The following PCDH15 variants were observed in gnomAD, a reference collection of about 807,000 sequenced individuals.
PCDH15 encodes the protein protocadherin related 15, also known as protocadherin-15.
Under a neutral mutation model 178.5 loss-of-function variants are expected in PCDH15, and 129 were observed. The observed-to-expected ratio is 0.72, with a 90% CI of 0.63 to 0.84. PCDH15 has a LOEUF of 0.84. PCDH15 is among the 40% of genes least tolerant of loss of function. PCDH15 has a pLI of 0.00. For synonymous variants in PCDH15, 800 were observed against 732.0 expected, an observed-to-expected ratio of 1.09 and a Z score of -1.50; for missense variants, 2,230 against 2,099.9, an observed-to-expected ratio of 1.06 and a Z score of -1.21.
rs185980305 is a variant in PCDH15 at position 54,668,602 on chromosome 10, T to C, written c.-28-4312A>G. 3.0e-3 allele frequency among the ~76,000 whole-genome samples: 455 copies of C among 152,336 alleles called. 2 individuals carry two copies. Among genetic ancestry groups the C allele is most frequent in the African/African-American group, 0.011 (441 of 41,576 alleles). On this transcript the variant is annotated intron_variant, in intron 1 of 37. Transcript: ENST00000644397. ...AAGTCTGGAAATACACAAAGGTCTG[T>C]CCTTTTTCTGTTTATCCCTGCTCCC...
intron 5 of PCDH15, among the ~76,000 whole-genome samples, chr10:54,368,334 T>C (rs1442176314): frequency 1.3e-5 from 2 of 151,986 alleles, no homozygotes; most frequent in Non-Finnish European, 2.9e-5. Flanking sequence ...AAAAAAAATC[T>C]TGAAATGAAA....
intron 3 of PCDH15, among the ~76,000 whole-genome samples, chr10:54,483,958 A>T (rs914580482): frequency 6.6e-6 from 1 of 151,868 alleles, no homozygotes; most frequent in Admixed American, 6.6e-5. Context: ...CACATTTTTA[A>T]TACCTATGCT....
rs758642174 is a variant in PCDH15, at chr10:53,822,762, G to C, written c.4368-2532C>G. The stretch of plus-strand genomic sequence containing the variant: ...GCAAAATGAAGAGTCTGAAGAGAGA[G>C]ATTTCAACTGTTCTGTTCCTTCTAT... On this transcript the variant is annotated intron_variant, in intron 32 of 37. Transcript: ENST00000644397. 1.8e-5 allele frequency: 29 copies of C among 1,613,840 alleles called. No homozygotes were observed. Among genetic ancestry groups the C allele is most frequent in the Non-Finnish European group, 2.5e-5 (29 of 1,179,970 alleles).
rs547988466 is a variant in PCDH15, at chr10:54,483,132, T to A, written c.157+44680A>T. ...CTAAAATTCTATATGTGACAGAAAG[T>A]CTAAAATGAAACAAAATAATATGGA... On this transcript the variant is annotated intron_variant, in intron 3 of 37. Coordinates refer to ENST00000644397, the MANE Select transcript of PCDH15 (RefSeq NM_001384140.1). Among the ~76,000 whole-genome samples the A allele has an allele frequency of 2.0e-5, 3 of 151,956 alleles. No homozygotes were observed. In the East Asian group the frequency reaches 5.8e-4, roughly 29 times the overall value.
At chr10:54,724,907 TAGATATAG>T (rs1042527478) in intron 1 of PCDH15, among the ~76,000 whole-genome samples, 1 of 8,412 alleles carries the variant, frequency 1.2e-4, no homozygotes, top group Non-Finnish European at 7.4e-4. Flanking sequence ...CATATATATA[TAGATATAG>T]ATATAGATAT....
At chr10:54,978,430 C>T (rs532372017) in intron 2 of PCDH15, among the ~76,000 whole-genome samples, 10 of 152,050 alleles carry the variant, frequency 6.6e-5, no homozygotes, top group Admixed American at 1.3e-4. Flanking sequence ...TCAATAATGC[C>T]CAAGACTTGT....
chr10:53,898,149 G>T (rs1279405645), intron 26 of PCDH15, among the ~76,000 whole-genome samples: 1 of 60,862 alleles, frequency 1.6e-5, no homozygotes, highest in Non-Finnish European at 2.7e-5. Context: ...TGTATTTTTA[G>T]TAGAGACGGG....
At chr10:54,324,489 A>G (rs1418372) in intron 7 of PCDH15, among the ~76,000 whole-genome samples, 107,144 of 151,914 alleles carry the variant, frequency 0.71, 38,538 homozygotes, top group Middle Eastern at 0.81. Context: ...TAGGCCGGGC[A>G]CAGTGGTTCA....
At chr10:54,963,712 C>T (rs916362959) in intron 2 of PCDH15, among the ~76,000 whole-genome samples, 1 of 152,206 alleles carries the variant, frequency 6.6e-6, no homozygotes, top group Admixed American at 6.5e-5. Context: ...ACTTAATTCT[C>T]TTTCAATTTT....
At chr10:53,852,340 T>TA (rs1188190785) in intron 28 of PCDH15, among the ~76,000 whole-genome samples, 1 of 152,086 alleles carries the variant, frequency 6.6e-6, no homozygotes, top group Admixed American at 6.6e-5. Context: ...AAGATCAACT[T>TA]AAAATACGTC....
intron 25 of PCDH15, among the ~76,000 whole-genome samples, chr10:53,936,146 A>G (rs1479540936): frequency 2.0e-5 from 3 of 152,200 alleles, no homozygotes; most frequent in Non-Finnish European, 4.4e-5. Context: ...TGCACAAATA[A>G]ATATCAAGGT....
At chr10:54,120,377 TAAC>T (rs1052086323) in intron 15 of PCDH15, among the ~76,000 whole-genome samples, 29 of 152,220 alleles carry the variant, frequency 1.9e-4, no homozygotes, top group Middle Eastern at 6.8e-3. Context: ...AGTTACCAGC[TAAC>T]AACTTAATGA....
chr10:54,153,029 C>G (rs747374514), intron 14 of PCDH15, 71 bp downstream of exon 14: 20 of 1,524,026 alleles, frequency 1.3e-5, no homozygotes, highest in Non-Finnish European at 1.8e-5. Context: ...ATACTTGCCG[C>G]GCTTCTTAAA....
At chr10:54,919,480 T>A (rs148075946) in intron 2 of PCDH15, among the ~76,000 whole-genome samples, 2 of 152,186 alleles carry the variant, frequency 1.3e-5, no homozygotes, top group Non-Finnish European at 2.9e-5. Context: ...TTTAAGATAC[T>A]TCCTCTGAAC....
chr10:55,241,306 T>A lies in PCDH15; in HGVS notation c.-155-74655A>T, dbSNP rs796860982. On this transcript the variant is annotated intron_variant, in intron 1 of 5. Coordinates refer to the PCDH15 transcript ENST00000458638. ...ATTTTCTCATTTATTACTGCATGCT[T>A]ATCTATCTTCCTCATTAACCTGCAA... is the stretch of plus-strand genomic sequence containing the variant. Among the ~76,000 whole-genome samples the A allele has an allele frequency of 7.3e-4, 111 of 152,302 alleles. 1 individual carries two copies. Among genetic ancestry groups the A allele is most frequent in the Middle Eastern group, 3.4e-3 (1 of 294 alleles).
chr10:54,614,867 C>A (rs2093079618), intron 2 of PCDH15, among the ~76,000 whole-genome samples: 1 of 151,902 alleles, frequency 6.6e-6, no homozygotes, highest in African/African-American at 2.4e-5. Context: ...TCTAGAGTTT[C>A]TAATAGTTGT....
In PCDH15 at chr10:54,573,307, T is replaced by A. The variant is rs542277615; in HGVS notation, c.92-45430A>T. On this transcript the variant is annotated intron_variant, in intron 2 of 37. Transcript: ENST00000644397. ...TATTTTTCTTGATGTTTTCATAATT[T>A]TAATAAAAAACACTTAACCAAAGTG... is the stretch of plus-strand genomic sequence containing the variant. Among the ~76,000 whole-genome samples, 324 of 152,246 alleles carry A rather than the reference T, an allele frequency of 2.1e-3. 3 individuals carry two copies. The highest frequency in any genetic ancestry group is 4.8e-3 in the Admixed American group (74 of 15,286).
chr10:54,820,202 G>A (rs16906572), intron 3 of PCDH15, among the ~76,000 whole-genome samples: 2,953 of 152,110 alleles, frequency 0.019, 96 homozygotes, highest in African/African-American at 0.066. Context: ...CAATGGAGAT[G>A]TGTAACTACC....
intron 8 of PCDH15, among the ~76,000 whole-genome samples, chr10:54,276,879 A>G (rs1001981505): frequency 2.6e-5 from 4 of 151,694 alleles, no homozygotes; most frequent in Non-Finnish European, 5.9e-5. Context: ...GCTATAACAC[A>G]TAAAGGAAAT....
Sources: allele counts gnomAD v4.1 joint callset (sites outside exome capture counted in the v4.1 genomes callset), GRCh38; gene constraint gnomAD v4.1.1; transcripts MANE v1.5; gene names NCBI Gene and HGNC (gene_info 2026-07-23, HGNC 2026-07-21).